The following ZC3H18 variants were observed in gnomAD, a reference collection of about 807,000 sequenced individuals.
ZC3H18 encodes the protein zinc finger CCCH-type containing 18, also known as zinc finger CCCH domain-containing protein 18.
In ZC3H18, 8 loss-of-function variants were observed where a neutral mutation model predicts 106.1. That is an observed-to-expected ratio of 0.08 (90% CI 0.04 to 0.14). ZC3H18 has a LOEUF of 0.14. ZC3H18 is among the 10% of genes least tolerant of loss of function. The pLI, the probability that ZC3H18 is intolerant of heterozygous loss-of-function variation, is 1.00. For synonymous variants in ZC3H18, 635 were observed against 522.1 expected, an observed-to-expected ratio of 1.22 and a Z score of -2.95; for missense variants, 1,318 against 1,278.4, an observed-to-expected ratio of 1.03 and a Z score of -0.47.
At chr16:88,600,190 G>A (rs1299943781) in intron 6 of ZC3H18, among the ~76,000 whole-genome samples, 3 of 152,198 alleles carry the variant, frequency 2.0e-5, no homozygotes, top group Non-Finnish European at 4.4e-5. Context: ...CACTCACACC[G>A]TTGTGGTTCC....
At chr16:88,583,476 C>T (rs2142567383) in intron 2 of ZC3H18, among the ~76,000 whole-genome samples, 1 of 152,370 alleles carries the variant, frequency 6.6e-6, no homozygotes, top group South Asian at 2.1e-4. Flanking sequence ...GCGAGCTTTG[C>T]AGATCAGGTG....
chr16:88,602,728 G>C (rs2142704103), intron 6 of ZC3H18, among the ~76,000 whole-genome samples: 2 of 152,278 alleles, frequency 1.3e-5, no homozygotes, highest in East Asian at 3.9e-4. Context: ...GCTCAGGCTG[G>C]TCTCCAACTC....
In ZC3H18 at chr16:88,615,867, A is replaced by T. The variant is rs74719889; in HGVS notation, c.1475+4331A>T. ...AGTCAGGAGTCTGTAATTCCAACTCAGGGATGTTTTCTGTGTACAAGAATG... is the reference window on the plus strand; with the variant it reads ...AGTCAGGAGTCTGTAATTCCAACTCTGGGATGTTTTCTGTGTACAAGAATG... On this transcript the variant is annotated intron_variant, in intron 8 of 17. Coordinates refer to ENST00000301011, the MANE Select transcript of ZC3H18 (RefSeq NM_144604.4). 1.1e-3 allele frequency among the ~76,000 whole-genome samples: 167 copies of T among 152,304 alleles called. 2 individuals are homozygous for T. In the East Asian group the frequency reaches 0.03, roughly 27 times the overall value.
chr16:88,574,393 G>A (rs1914606362), intron 1 of ZC3H18, among the ~76,000 whole-genome samples: 1 of 151,590 alleles, frequency 6.6e-6, no homozygotes, highest in Non-Finnish European at 1.5e-5. Flanking sequence ...TATTTTAGTA[G>A]AGACCGGGTT....
chr16:88,584,861 G>C (rs138062859), intron 2 of ZC3H18, among the ~76,000 whole-genome samples: 1 of 152,124 alleles, frequency 6.6e-6, no homozygotes, highest in East Asian at 1.9e-4. Flanking sequence ...ATCCTGATGC[G>C]GGAAAAACCC....
Position 88,630,472 on chromosome 16 carries a change from A to G in ZC3H18, c.2567-13A>G. On this transcript the variant is annotated splice_polypyrimidine_tract_variant and intron_variant, in intron 16 of 17. Coordinates refer to ENST00000301011, the MANE Select transcript of ZC3H18 (RefSeq NM_144604.4). Reference sequence around the variant, plus strand: ...CATCAGGAGGGTGGTCTCACTCTGTACCTATCACCCAGGTTCTCGGGACCG... The same window carrying G: ...CATCAGGAGGGTGGTCTCACTCTGTGCCTATCACCCAGGTTCTCGGGACCG... 5 of 1,610,892 alleles carry G rather than the reference A, an allele frequency of 3.1e-6. No individual in the cohort carries two copies. Among genetic ancestry groups the G allele is most frequent in the Non-Finnish European group, 4.2e-6 (5 of 1,178,484 alleles).
intron 7 of ZC3H18, among the ~76,000 whole-genome samples, chr16:88,609,829 G>A (rs1033248994): frequency 2.0e-5 from 3 of 152,116 alleles, no homozygotes; most frequent in African/African-American, 4.8e-5. Context: ...TCAAACTTCC[G>A]ATCTCAGGTG....
intron 1 of ZC3H18, 46 bp from the exon 2 acceptor site, chr16:88,577,064 T>G: frequency 1.3e-6 from 2 of 1,500,186 alleles, no homozygotes; most frequent in Non-Finnish European, 8.9e-7. Context: ...CAAGGTTTGT[T>G]TTCCATTTTG....
chr16:88,594,878 G>T (rs138934838), intron 3 of ZC3H18, among the ~76,000 whole-genome samples: 4 of 152,220 alleles, frequency 2.6e-5, no homozygotes, highest in South Asian at 2.1e-4. Flanking sequence ...TTGGCTGGGC[G>T]TGGTGGTTCA....
chr16:88,574,229 C>T (rs886886670), intron 1 of ZC3H18, among the ~76,000 whole-genome samples: 4 of 151,796 alleles, frequency 2.6e-5, no homozygotes, highest in East Asian at 1.9e-4. Context: ...TCTTTTGAGA[C>T]GGAGTCTCGC....
At chr16:88,572,100 C>G (rs1198764204) in intron 1 of ZC3H18, among the ~76,000 whole-genome samples, 1 of 152,204 alleles carries the variant, frequency 6.6e-6, no homozygotes. Flanking sequence ...TCAGGTGAGA[C>G]TCTGACTTGC....
chr16:88,627,468 AC>A lies in ZC3H18; in HGVS notation c.2109-151del. On this transcript the variant is annotated intron_variant, in intron 13 of 17. Transcript: ENST00000301011. The surrounding 1 kb of genome is among the most constrained non-coding windows in gnomAD (Gnocchi z 4.5). ...CCATGGGGACGTCCCTTACTTTGTAACCCTGAAACTGCCCAGTGTCCCCCCA... is the reference window on the plus strand; with the variant it reads ...CCATGGGGACGTCCCTTACTTTGTAACCTGAAACTGCCCAGTGTCCCCCCA... 1 of 1,027,404 alleles carries A rather than the reference AC, an allele frequency of 9.7e-7. No homozygotes were observed. The highest frequency in any genetic ancestry group is 1.9e-5 in the South Asian group (1 of 53,544). The allele number at this position is 1,027,404 out of a possible 1,614,324, so 63.6% of individuals were successfully genotyped here.
rs1348790315 is a variant in ZC3H18, at chr16:88,616,374, G to A, written c.1475+4838G>A. 2.0e-5 allele frequency among the ~76,000 whole-genome samples: 3 copies of A among 152,308 alleles called. No homozygotes were observed. In the East Asian group the frequency reaches 5.8e-4, roughly 29 times the overall value. ...TTTCCTTCCTGAAGCACTTGCTTGT[G>A]CTCCTGGGGCTGCCCTCAGCCCCTT... On this transcript the variant is annotated intron_variant, in intron 8 of 17. Coordinates refer to ENST00000301011, the MANE Select transcript of ZC3H18 (RefSeq NM_144604.4).
At chr16:88,583,056 T>C (rs938735223) in intron 2 of ZC3H18, among the ~76,000 whole-genome samples, 1 of 152,260 alleles carries the variant, frequency 6.6e-6, no homozygotes, top group Non-Finnish European at 1.5e-5. Context: ...GAGGTTGTGG[T>C]TGGCCTGAGT....
At chr16:88,625,178 G>T (rs981712431) in intron 12 of ZC3H18, 24 bp from the exon 13 acceptor site, 31 of 1,563,544 alleles carry the variant, frequency 2.0e-5, no homozygotes, top group African/African-American at 2.7e-5. Context: ...CGCCCCCTGA[G>T]CCCCGCTGTT....
At chr16:88,570,989 C>G (rs910636830) in intron 1 of ZC3H18, among the ~76,000 whole-genome samples, 1 of 152,238 alleles carries the variant, frequency 6.6e-6, no homozygotes, top group African/African-American at 2.4e-5. Flanking sequence ...GAACTTTGAG[C>G]TCTTTATGAA....
At chr16:88,608,063 C>G (rs1905094302) in intron 6 of ZC3H18, among the ~76,000 whole-genome samples, 1 of 152,106 alleles carries the variant, frequency 6.6e-6, no homozygotes, top group Admixed American at 6.5e-5. Flanking sequence ...TCTGCCTTTC[C>G]AAGTTTCTTC....
intron 6 of ZC3H18, among the ~76,000 whole-genome samples, chr16:88,606,179 A>G (rs370496563): frequency 1.2e-4 from 19 of 152,260 alleles, no homozygotes; most frequent in Admixed American, 1.1e-3. Flanking sequence ...TGTGCATACC[A>G]TGATACTGCC....
rs899254128 is a variant in ZC3H18 at position 88,576,999 on chromosome 16, C to T, written c.-14-111C>T. ...TGGAGTGTGGGATTTGGGGCAGGGC[C>T]GTGTGGGACCAAGCAGGATGGAAGT... On this transcript the variant is annotated intron_variant, in intron 1 of 17. Transcript: ENST00000301011. 2.5e-5 allele frequency: 28 copies of T among 1,123,244 alleles called. No homozygotes were observed. In the African/African-American group the frequency reaches 3.2e-4, roughly 13 times the overall value. 69.6% of individuals were successfully genotyped at this position (1,123,244 alleles called of 1,614,324 possible).
Sources: gnomAD v4.1 joint callset for allele counts (sites outside exome capture counted in the v4.1 genomes callset) on GRCh38, gnomAD v4.1.1 for gene constraint, Gnocchi (gnomAD v3.1) non-coding constraint, MANE v1.5 for transcripts, NCBI Gene and HGNC (gene_info 2026-07-23, HGNC 2026-07-21) for gene names.